PGAP3: variants seen among roughly 807,000 people sequenced by gnomAD.
PGAP3 encodes GPI-specific phospholipase A2-like PGAP3.
A neutral mutation model predicts 40.3 loss-of-function variants in PGAP3; 31 were observed. The ratio of observed to expected loss-of-function variants is 0.77; its 90% CI spans 0.58 to 1.04. The LOEUF (loss-of-function observed/expected upper bound fraction) is 1.04, where lower values mean the gene tolerates loss of function less well. Among genes scored for constraint, PGAP3 ranks in the 50% least tolerant of loss-of-function variants. The pLI is 0.00. For synonymous variants in PGAP3, 191 were observed against 184.5 expected (o/e 1.04, Z -0.29); for missense variants, 413 against 423.0 (o/e 0.98, Z 0.21).
Position 39,674,043 on chromosome 17 carries a change from G to A in PGAP3, c.507C>T (p.Tyr169=). The A allele has an allele frequency of 3.1e-6, 5 of 1,613,958 alleles. No individual in the cohort carries two copies. The highest frequency in any genetic ancestry group is 2.2e-5 in the East Asian group (1 of 44,882). Residue 169 remains tyrosine (Y), a synonymous_variant, in exon 5 of 8, where the codon TAC becomes TAT. Transcript: ENST00000300658. The part of the protein sequence containing the change: ...RDTDLTEKMD[Y]FCASTVILHS... The stretch of plus-strand genomic sequence containing the variant: ...GTAGGATGACAGTGGAGGCACAGAA[G>A]TAGTCCATTTTCTGAGGACAGGGAA...
intron 4 of PGAP3, 48 bp from the exon 5 acceptor site, chr17:39,674,102 G>C (rs771349684): frequency 6.3e-7 from 1 of 1,581,226 alleles, no homozygotes; most frequent in Non-Finnish European, 8.7e-7. Flanking sequence ...GCTTCACGGA[G>C]AGGACCCGCG....
chr17:39,673,193 C>A lies in PGAP3; in HGVS notation c.757G>T (p.Val253Leu), dbSNP rs774310689. 3.0e-5 allele frequency: 47 copies of A among 1,571,900 alleles called. No homozygotes were observed. Among genetic ancestry groups the A allele is most frequent in the African/African-American group, 4.1e-5 (3 of 74,002 alleles). The stretch of plus-strand genomic sequence containing the variant: ...AAGACCACCACCACGCACTTGCGCA[C>A]GTGAGGCAGCCGCCGCTGGTTCCAC... ...CLWNQRRLPH[V>L]RKCVVVVLLL... The change falls in exon 7 of 8, where the codon GTG becomes TTG. Residue 253 changes from valine (V) to leucine (L), a missense_variant. Physicochemically the swap from Val to Leu is conservative, Grantham distance 32. Transcript: ENST00000300658.
intron 3 of PGAP3, among the ~76,000 whole-genome samples, chr17:39,678,305 C>T (rs1251472010): frequency 6.6e-6 from 1 of 152,212 alleles, no homozygotes; most frequent in Non-Finnish European, 1.5e-5. Flanking sequence ...GGCTTCCCAC[C>T]ACTTCACCCT....
intron 3 of PGAP3, among the ~76,000 whole-genome samples, chr17:39,681,797 C>A (rs988525578): frequency 6.6e-6 from 1 of 152,106 alleles, no homozygotes. Context: ...CCTGAGCCAC[C>A]GCACTTGATC....
chr17:39,683,203 C>A (rs2057465017), intron 3 of PGAP3, among the ~76,000 whole-genome samples: 1 of 152,182 alleles, frequency 6.6e-6, no homozygotes, highest in Admixed American at 6.5e-5. Flanking sequence ...CAGCTCACAC[C>A]CACTCTCTGA....
chr17:39,682,516 T>A (rs2057455352), intron 3 of PGAP3, among the ~76,000 whole-genome samples: 1 of 152,166 alleles, frequency 6.6e-6, no homozygotes, highest in Non-Finnish European at 1.5e-5. Context: ...TGGCATACAG[T>A]ATGAGCTATG....
chr17:39,673,448 A>C, intron 6 of PGAP3, 66 bp downstream of exon 6: 1 of 1,605,414 alleles, frequency 6.2e-7, no homozygotes, highest in Admixed American at 1.7e-5. Flanking sequence ...CAGGAATGGC[A>C]CCAACCTCCC....
chr17:39,679,638 T>G (rs771038177), intron 3 of PGAP3, among the ~76,000 whole-genome samples: 3 of 152,210 alleles, frequency 2.0e-5, no homozygotes, highest in Non-Finnish European at 4.4e-5. Context: ...TAGCCAGGAC[T>G]AAATTTGCTT....
chr17:39,685,692 T>C (rs1490477019), intron 2 of PGAP3, among the ~76,000 whole-genome samples: 1 of 152,082 alleles, frequency 6.6e-6, no homozygotes, highest in African/African-American at 2.4e-5. Flanking sequence ...CACCACTCTC[T>C]GGGGAGACTC....
chr17:39,681,413 AC>A (rs1291264147), intron 3 of PGAP3, among the ~76,000 whole-genome samples: 1 of 152,162 alleles, frequency 6.6e-6, no homozygotes, highest in East Asian at 1.9e-4. Flanking sequence ...AACAAAAATT[AC>A]GGGAGGCCAT....
intron 6 of PGAP3, 65 bp from the exon 7 acceptor site, chr17:39,673,320 A>G: frequency 6.4e-7 from 1 of 1,558,584 alleles, no homozygotes; most frequent in Admixed American, 1.9e-5. Context: ...GCCACCCCCA[A>G]CTCCATGCTC....
At chr17:39,673,022 G>A (rs1199532205) in intron 7 of PGAP3, 29 bp downstream of exon 7, 3 of 1,591,516 alleles carry the variant, frequency 1.9e-6, no homozygotes, top group Non-Finnish European at 2.6e-6. Flanking sequence ...TCCAAAGAAG[G>A]TGAGCACCAG....
At chr17:39,674,536 G>T in intron 4 of PGAP3, 81 bp downstream of exon 4, 1 of 1,407,314 alleles carries the variant, frequency 7.1e-7, no homozygotes, top group South Asian at 1.4e-5. Flanking sequence ...GAGTTGGCAT[G>T]ACCCTCTAGA....
intron 1 of PGAP3, 120 bp from the exon 2 acceptor site, chr17:39,686,139 A>T: frequency 1.3e-6 from 1 of 770,434 alleles, no homozygotes; most frequent in Non-Finnish European, 2.1e-6. Flanking sequence ...GAACCAGGAG[A>T]AATCTCAAAA....
intron 5 of PGAP3, 84 bp downstream of exon 5, chr17:39,673,906 TGAA>T (rs1432801012): frequency 5.4e-6 from 8 of 1,480,126 alleles, no homozygotes; most frequent in African/African-American, 1.4e-5. Flanking sequence ...GGGAGACTAG[TGAA>T]GAAGGCCCCC....
chr17:39,684,739 G>A lies in PGAP3; in HGVS notation c.290C>T (p.Ser97Phe). The A allele has an allele frequency of 6.2e-7, 1 of 1,605,330 alleles. No individual in the cohort carries two copies. ...VPQFHGKWPF[S>F]RFLFFQEPAS... ...CGGCTCTTGAAAGAACAGGAACCGG[G>A]AGAAGGGCCACTGAAAAAGGAGCAG... The change falls in exon 3 of 8, where the codon TCC becomes TTC. Residue 97 changes from serine to phenylalanine, a missense_variant. Coordinates refer to ENST00000300658, the MANE Select transcript of PGAP3 (RefSeq NM_033419.5).
At chr17:39,678,653 A>T (rs1567874891) in intron 3 of PGAP3, among the ~76,000 whole-genome samples, 1 of 152,186 alleles carries the variant, frequency 6.6e-6, no homozygotes, top group Non-Finnish European at 1.5e-5. Flanking sequence ...TCACCCCAAC[A>T]GAAATCAGGA....
At chr17:39,680,678 C>G (rs1259770693) in intron 3 of PGAP3, among the ~76,000 whole-genome samples, 2 of 152,202 alleles carry the variant, frequency 1.3e-5, no homozygotes, top group East Asian at 1.9e-4. Context: ...ACAATCCAAG[C>G]ACACTATCTC....
intron 3 of PGAP3, among the ~76,000 whole-genome samples, chr17:39,677,936 G>C (rs542649722): frequency 6.6e-6 from 1 of 152,298 alleles, no homozygotes; most frequent in African/African-American, 2.4e-5. Context: ...CAGTGTCTCA[G>C]AAGTGGGGGA....
Sources: gnomAD v4.1 joint callset for allele counts (sites outside exome capture counted in the v4.1 genomes callset) on GRCh38, gnomAD v4.1.1 for gene constraint, MANE v1.5 for transcripts, NCBI Gene and HGNC (gene_info 2026-07-23, HGNC 2026-07-21) for gene names.